C1QTNF3: variants seen among roughly 807,000 people sequenced by gnomAD.
The protein encoded by C1QTNF3 is C1q and TNF related 3, also known as complement C1q tumor necrosis factor-related protein 3.
Under a neutral mutation model 32.6 loss-of-function variants are expected in C1QTNF3, and 26 were observed. The observed-to-expected ratio is 0.80, with a 90% CI of 0.58 to 1.11. The LOEUF is 1.11. C1QTNF3 is among the 50% of genes least tolerant of loss of function. The pLI is 0.00. For missense variants in C1QTNF3, 362 were observed against 398.2 expected (o/e 0.91, Z 0.77); for synonymous variants, 155 against 146.0 (o/e 1.06, Z -0.44).
chr5:34,057,880 C>A, the C1QTNF3 span, among the ~76,000 whole-genome samples: 72 of 152,334 alleles, frequency 4.7e-4, no homozygotes, highest in South Asian at 0.015. Flanking sequence ...AAACATATTT[C>A]TTACCATTGT....
chr5:34,171,846 C>G, the C1QTNF3 span, among the ~76,000 whole-genome samples: 1 of 152,088 alleles, frequency 6.6e-6, no homozygotes, highest in Non-Finnish European at 1.5e-5. Context: ...ACAATAGTGC[C>G]AGTAATAGAA....
the C1QTNF3 span, among the ~76,000 whole-genome samples, chr5:34,164,123 G>A: frequency 1.3e-5 from 2 of 152,078 alleles, no homozygotes; most frequent in African/African-American, 4.8e-5. Context: ...TGATTTGGGA[G>A]GCGAACATTA....
chr5:34,080,231 T>C, the C1QTNF3 span, among the ~76,000 whole-genome samples: 1 of 151,788 alleles, frequency 6.6e-6, no homozygotes, highest in African/African-American at 2.4e-5. Context: ...AGTAACACTA[T>C]AAACAATTTA....
the C1QTNF3 span, among the ~76,000 whole-genome samples, chr5:34,071,763 T>C: frequency 2.0e-5 from 3 of 152,024 alleles, no homozygotes; most frequent in Non-Finnish European, 4.4e-5. Context: ...AAAGCAAGAT[T>C]CAAACCTTAA....
chr5:34,158,353 C>T, the C1QTNF3 span: 6 of 152,024 alleles, frequency 3.9e-5, no homozygotes, highest in Non-Finnish European at 7.4e-5. Context: ...GTGATCCACC[C>T]GCCGCGGCCT....
At chr5:34,063,142 T>C in the C1QTNF3 span, among the ~76,000 whole-genome samples, 1 of 152,184 alleles carries the variant, frequency 6.6e-6, no homozygotes, top group Non-Finnish European at 1.5e-5. Flanking sequence ...CAATTACCAA[T>C]TAAAGGTTTT....
chr5:34,221,006 G>A, the C1QTNF3 span, among the ~76,000 whole-genome samples: 5 of 152,114 alleles, frequency 3.3e-5, no homozygotes, highest in Non-Finnish European at 7.4e-5. Flanking sequence ...TGAAGGAGCT[G>A]AAAGCTGAAG....
chr5:34,067,800 GA>G, the C1QTNF3 span, among the ~76,000 whole-genome samples: 1 of 152,198 alleles, frequency 6.6e-6, no homozygotes, highest in Non-Finnish European at 1.5e-5. Context: ...GATTATTCTT[GA>G]AGCTGGGAGC....
the C1QTNF3 span, among the ~76,000 whole-genome samples, chr5:34,209,244 C>T: frequency 6.6e-6 from 1 of 151,858 alleles, no homozygotes; most frequent in Non-Finnish European, 1.5e-5. Context: ...CTCTTACTTA[C>T]ATTGGACTAA....
the C1QTNF3 span, among the ~76,000 whole-genome samples, chr5:34,084,972 T>TCTTA: frequency 2.7e-5 from 4 of 146,330 alleles, no homozygotes; most frequent in African/African-American, 1.0e-4. Flanking sequence ...CAGTTTTAGG[T>TCTTA]CTTACGTTTA....
the C1QTNF3 span, among the ~76,000 whole-genome samples, chr5:34,063,550 G>A: frequency 6.6e-6 from 1 of 152,110 alleles, no homozygotes; most frequent in Admixed American, 6.5e-5. Flanking sequence ...GGTAGAAACT[G>A]GGGGAGGAGA....
chr5:34,177,136 C>T, the C1QTNF3 span, among the ~76,000 whole-genome samples: 7 of 152,168 alleles, frequency 4.6e-5, no homozygotes, highest in South Asian at 1.2e-3. Flanking sequence ...GAGCAGTGAG[C>T]TGTGATTACG....
upstream of C1QTNF3, among the ~76,000 whole-genome samples, chr5:34,047,214 G>T (rs1224242916): frequency 6.6e-6 from 1 of 152,216 alleles, no homozygotes; most frequent in Non-Finnish European, 1.5e-5. Context: ...GGATACACTG[G>T]GACTGTCACT....
chr5:34,120,035 G>A, the C1QTNF3 span, among the ~76,000 whole-genome samples: 1 of 152,098 alleles, frequency 6.6e-6, no homozygotes, highest in African/African-American at 2.4e-5. Flanking sequence ...AGAAACATCG[G>A]TATTTGATTA....
the C1QTNF3 span, among the ~76,000 whole-genome samples, chr5:34,120,292 C>A: frequency 3.3e-5 from 5 of 152,010 alleles, no homozygotes. Context: ...TGTTTTAGAT[C>A]ATATCAGTTT....
At chr5:34,211,564 C>T in the C1QTNF3 span, among the ~76,000 whole-genome samples, 2 of 130,000 alleles carry the variant, frequency 1.5e-5, no homozygotes, top group East Asian at 5.1e-4. Flanking sequence ...ATAACAGTCC[C>T]CAGAGTGTGA....
At chr5:34,036,718 G>A (rs543062472) in intron 1 of C1QTNF3, among the ~76,000 whole-genome samples, 18 of 152,260 alleles carry the variant, frequency 1.2e-4, no homozygotes, top group East Asian at 3.9e-4. Context: ...TTTGGAGGCC[G>A]AGGCAGGTGG....
chr5:34,186,419 A>G, the C1QTNF3 span, among the ~76,000 whole-genome samples: 47 of 152,142 alleles, frequency 3.1e-4, no homozygotes, highest in African/African-American at 1.1e-3. Flanking sequence ...TACAATATAC[A>G]TTAATCTTAA....
At chr5:34,238,685 G>C in the C1QTNF3 span, among the ~76,000 whole-genome samples, 40 of 152,048 alleles carry the variant, frequency 2.6e-4, no homozygotes, top group Middle Eastern at 3.4e-3. Context: ...AGAAGAGAAA[G>C]AAAGAGAAAA....
Sources: allele counts gnomAD v4.1 joint callset (sites outside exome capture counted in the v4.1 genomes callset), GRCh38; gene constraint gnomAD v4.1.1; transcripts MANE v1.5; gene names NCBI Gene and HGNC (gene_info 2026-07-23, HGNC 2026-07-21).